The following AFG1L variants were observed in gnomAD, a reference collection of about 807,000 sequenced individuals.
AFG1L encodes AFG1 like ATPase.
A neutral mutation model predicts 62.2 loss-of-function variants in AFG1L; 53 were observed. The observed-to-expected ratio is 0.85, with a 90% CI of 0.68 to 1.07. The LOEUF is 1.07. Among genes scored for constraint, AFG1L ranks in the 50% least tolerant of loss-of-function variants. The probability of loss-of-function intolerance (pLI) is 0.00; values close to 1 mark genes in which losing one functional copy is unlikely to be tolerated. For missense variants in AFG1L, 555 were observed against 590.5 expected (o/e 0.94, Z 0.62); for synonymous variants, 228 against 210.3 (o/e 1.08, Z -0.73).
At chr6:108,321,758 A>G (rs917519799) in intron 1 of AFG1L, among the ~76,000 whole-genome samples, 1 of 152,234 alleles carries the variant, frequency 6.6e-6, no homozygotes, top group Non-Finnish European at 1.5e-5. Flanking sequence ...CTAGTGTTCC[A>G]GGATACCCTT....
chr6:108,522,210 C>A, intron 12 of AFG1L, 87 bp from the exon 13 acceptor site: 4 of 1,257,768 alleles, frequency 3.2e-6, no homozygotes, highest in Admixed American at 2.0e-5. Context: ...AACCGGTAAG[C>A]CTAAAAAGTT....
chr6:108,356,126 T>C (rs1177367341), intron 4 of AFG1L, among the ~76,000 whole-genome samples: 1 of 152,216 alleles, frequency 6.6e-6, no homozygotes, highest in Non-Finnish European at 1.5e-5. Flanking sequence ...CATGTAAGCT[T>C]TATTGCTTTG....
intron 7 of AFG1L, among the ~76,000 whole-genome samples, chr6:108,409,461 G>C (rs58237724): frequency 4.3e-4 from 66 of 152,146 alleles, no homozygotes; most frequent in African/African-American, 1.4e-3. Flanking sequence ...GAGCAGGAGC[G>C]GGGGGAGAGG....
chr6:108,519,934 A>G (rs1775059923), intron 12 of AFG1L, 124 bp downstream of exon 12: 3 of 553,894 alleles, frequency 5.4e-6, no homozygotes, highest in Non-Finnish European at 9.4e-6. Flanking sequence ...CGCTTCTTCT[A>G]TAAGCCCATG....
intron 10 of AFG1L, among the ~76,000 whole-genome samples, chr6:108,478,388 G>C (rs1177112926): frequency 6.6e-6 from 1 of 152,246 alleles, no homozygotes; most frequent in Non-Finnish European, 1.5e-5. Flanking sequence ...ATTGAGCCGA[G>C]GTCGCTCCAC....
chr6:108,361,149 C>T (rs1779510912), intron 5 of AFG1L, among the ~76,000 whole-genome samples: 1 of 152,244 alleles, frequency 6.6e-6, no homozygotes. Context: ...ACACAGGAAA[C>T]TTGTTTATAC....
chr6:108,353,248 G>A (rs776746686), intron 3 of AFG1L, among the ~76,000 whole-genome samples: 16 of 150,912 alleles, frequency 1.1e-4, no homozygotes, highest in Admixed American at 3.3e-4. Context: ...TTGAACTCCT[G>A]GGCTCAAGCA....
At chr6:108,476,337 A>G (rs1357933527) in intron 8 of AFG1L, among the ~76,000 whole-genome samples, 1 of 152,212 alleles carries the variant, frequency 6.6e-6, no homozygotes, top group African/African-American at 2.4e-5. Flanking sequence ...TCCTTATACT[A>G]GAAGTCTGAC....
At chr6:108,499,911 T>C (rs929564278) in intron 10 of AFG1L, among the ~76,000 whole-genome samples, 1 of 152,152 alleles carries the variant, frequency 6.6e-6, no homozygotes, top group African/African-American at 2.4e-5. Context: ...ATAGTGAACA[T>C]AGTGACCAAT....
At chr6:108,333,914 ATAGTCTTCAATTT>A (rs1295587755) in intron 2 of AFG1L, among the ~76,000 whole-genome samples, 4 of 152,228 alleles carry the variant, frequency 2.6e-5, no homozygotes, top group African/African-American at 7.2e-5. Context: ...GGTGTTCCAT[ATAGTCTTCAATTT>A]TGCCTGTTTG....
At chr6:108,497,482 A>C (rs1774018277) in intron 10 of AFG1L, among the ~76,000 whole-genome samples, 1 of 151,536 alleles carries the variant, frequency 6.6e-6, no homozygotes, top group South Asian at 2.1e-4. Context: ...TCCTTGTCTC[A>C]CTTAATTCCT....
chr6:108,323,651 A>G (rs988613241), intron 1 of AFG1L, among the ~76,000 whole-genome samples, 174 bp from the exon 2 acceptor site: 2 of 152,206 alleles, frequency 1.3e-5, no homozygotes, highest in African/African-American at 4.8e-5. Flanking sequence ...GTGAGCCACC[A>G]TGCCTGGCTG....
intron 7 of AFG1L, among the ~76,000 whole-genome samples, chr6:108,417,751 C>G (rs566282958): frequency 1.9e-4 from 29 of 152,136 alleles, no homozygotes; most frequent in Non-Finnish European, 4.3e-4. Context: ...GATCATATGA[C>G]ATAGTATCTT....
Position 108,366,298 on chromosome 6 carries a change from C to G in AFG1L, c.714C>G (p.Val238=), listed in dbSNP as rs370599565. The change falls in exon 6 of 13, where the codon GTC becomes GTG. Residue 238 remains valine, a synonymous_variant. Transcript: ENST00000368977. ...TTGAAAATCTGTTCAAAAACGGGGT[C>G]GTCGTTGTGGCAACATCCAACAGGC... The part of the protein sequence containing the change: ...QLFENLFKNG[V]VVVATSNRPP... 1.6e-5 allele frequency: 25 copies of G among 1,611,648 alleles called. No individual in the cohort carries two copies. The highest frequency in any genetic ancestry group is 1.6e-4 in the Middle Eastern group (1 of 6,072).
intron 6 of AFG1L, among the ~76,000 whole-genome samples, chr6:108,399,606 A>G (rs1023295284): frequency 6.3e-5 from 9 of 143,612 alleles, no homozygotes; most frequent in Non-Finnish European, 1.2e-4. Context: ...AATGCTACTG[A>G]TTTTTGTTAT....
intron 7 of AFG1L, among the ~76,000 whole-genome samples, chr6:108,417,302 GA>G (rs1770360632): frequency 6.7e-6 from 1 of 149,426 alleles, no homozygotes; most frequent in South Asian, 2.1e-4. Context: ...AAAAAACGGG[GA>G]AAAAAAGAAA....
At chr6:108,302,361 C>T (rs997167812) in intron 1 of AFG1L, among the ~76,000 whole-genome samples, 10 of 152,118 alleles carry the variant, frequency 6.6e-5, no homozygotes, top group Non-Finnish European at 1.2e-4. Context: ...TTATACTTGG[C>T]CTGACATTTG....
chr6:108,419,899 A>G (rs1315746111), intron 7 of AFG1L, among the ~76,000 whole-genome samples: 1 of 152,194 alleles, frequency 6.6e-6, no homozygotes, highest in Non-Finnish European at 1.5e-5. Flanking sequence ...ACCCTTAGAT[A>G]AAATGCTTCA....
At chr6:108,397,363 G>C (rs1340567668) in intron 6 of AFG1L, among the ~76,000 whole-genome samples, 1 of 151,824 alleles carries the variant, frequency 6.6e-6, no homozygotes, top group Admixed American at 6.6e-5. Context: ...CCTGACCTCA[G>C]GTGATCCACG....
Sources: allele counts gnomAD v4.1 joint callset (sites outside exome capture counted in the v4.1 genomes callset), GRCh38; gene constraint gnomAD v4.1.1; transcripts MANE v1.5; gene names NCBI Gene and HGNC (gene_info 2026-07-23, HGNC 2026-07-21).